The following HCRTR1 variants were observed in gnomAD, a reference collection of about 807,000 sequenced individuals.
HCRTR1 encodes the protein hypocretin receptor 1, also known as orexin/Hypocretin receptor type 1.
HCRTR1 carries 28 observed loss-of-function variants against 40.6 expected under a neutral mutation model. The ratio of observed to expected loss-of-function variants is 0.69; its 90% CI spans 0.51 to 0.95. The LOEUF (loss-of-function observed/expected upper bound fraction) is 0.95, where lower values mean the gene tolerates loss of function less well. Ranked by LOEUF, HCRTR1 falls within the 40% of genes least tolerant of loss-of-function variation. The probability of loss-of-function intolerance (pLI) is 0.00; values close to 1 mark genes in which losing one functional copy is unlikely to be tolerated. For synonymous variants in HCRTR1, 209 were observed against 230.0 expected (o/e 0.91, Z 0.83); for missense variants, 482 against 564.7 (o/e 0.85, Z 1.48).
chr1:31,633,184 A>T (rs1416786604), downstream of HCRTR1: 1 of 1,614,030 alleles, frequency 6.2e-7, no homozygotes, highest in Admixed American at 1.7e-5. Context: ...AGGTCTCATC[A>T]TTGAATGAAG....
downstream of HCRTR1, among the ~76,000 whole-genome samples, chr1:31,632,003 G>A (rs1198350133): frequency 6.6e-6 from 1 of 152,198 alleles, no homozygotes; most frequent in Non-Finnish European, 1.5e-5. Context: ...AACCAGACCT[G>A]GGGCTGTGGC....
chr1:31,620,085 C>A (rs1300082302), intron 4 of HCRTR1, among the ~76,000 whole-genome samples: 1 of 152,234 alleles, frequency 6.6e-6, no homozygotes, highest in Non-Finnish European at 1.5e-5. Context: ...ACGTGAGGGG[C>A]CTGATGGAAA....
rs376314618 is a variant in HCRTR1 at position 31,621,098 on chromosome 1, A to T, written c.622+12A>T. 1.3e-6 allele frequency: 2 copies of T among 1,595,272 alleles called. No individual in the cohort carries two copies. Among genetic ancestry groups the T allele is most frequent in the Non-Finnish European group, 1.7e-6 (2 of 1,174,218 alleles). The stretch of plus-strand genomic sequence containing the variant: ...TGAACGCTGGGCAGGTAATGGTGGA[A>T]GCCTCAAGCAGGCATCCCCTCAGGT... On this transcript the variant is annotated intron_variant, in intron 5 of 8. Coordinates refer to ENST00000403528, the MANE Select transcript of HCRTR1 (RefSeq NM_001525.3).
downstream of HCRTR1, chr1:31,633,255 C>A: frequency 6.2e-7 from 1 of 1,614,112 alleles, no homozygotes; most frequent in African/African-American, 1.3e-5. Flanking sequence ...CCACTGTGAT[C>A]TGAGTCCACC....
At chr1:31,628,484 A>C (rs956736045), downstream of HCRTR1, among the ~76,000 whole-genome samples, 20 of 152,162 alleles carry the variant, frequency 1.3e-4, no homozygotes. Context: ...GTAGGCTTGG[A>C]GGTGAGTGTG....
chr1:31,623,777 GGGA>G (rs758432624), intron 7 of HCRTR1, 28 bp downstream of exon 7: 14 of 1,576,230 alleles, frequency 8.9e-6, no homozygotes, highest in African/African-American at 1.3e-5. Flanking sequence ...GGTTGGGGTG[GGGA>G]GAAGTTTGAG....
Position 31,619,377 on chromosome 1 carries a change from T to C in HCRTR1, c.185T>C (p.Val62Ala), listed in dbSNP as rs749309295. 4 of 1,614,056 alleles carry C rather than the reference T, an allele frequency of 2.5e-6. No individual in the cohort carries two copies. The East Asian group carries it at 8.9e-5, about 36-fold the overall frequency. The change falls in exon 3 of 9, where the codon GTG becomes GCG. Residue 62 changes from valine (V) to alanine (A), a missense_variant. By Grantham distance (64) the Val-to-Ala change is moderately conservative. Coordinates refer to ENST00000403528, the MANE Select transcript of HCRTR1 (RefSeq NM_001525.3). ...GTGGCTGTGTTCGTCGTGGCCCTGG[T>C]GGGCAACACGCTGGGTAGGTCCAGG... ...AYVAVFVVAL[V>A]GNTLVCLAVW... is the part of the protein sequence containing the mutation.
chr1:31,630,764 T>C (rs758834965), downstream of HCRTR1: 6 of 1,614,044 alleles, frequency 3.7e-6, no homozygotes, highest in South Asian at 1.1e-5. Flanking sequence ...CATGGCAGGA[T>C]TGGCAGAGCG....
At chr1:31,623,340 G>A (rs777736003) in intron 6 of HCRTR1, among the ~76,000 whole-genome samples, 183 bp from the exon 7 acceptor site, 3 of 150,854 alleles carry the variant, frequency 2.0e-5, no homozygotes, top group Non-Finnish European at 4.4e-5. Context: ...AAAGTCTATC[G>A]TTCACTCTCA....
Position 31,627,458 on chromosome 1 carries a change from C to T in HCRTR1, c.*478C>T, listed in dbSNP as rs1005343328. ...TAATCTGGGCCCAGCCTTTCTCCAG[C>T]GGGCCACGAGCACAGCCCCACCCTA... On this transcript the variant is annotated 3_prime_UTR_variant, in exon 9 of 9. Transcript: ENST00000403528. The T allele has an allele frequency of 1.6e-5, 15 of 913,968 alleles. No homozygotes were observed. The African/African-American group carries it at 1.7e-4, about 10-fold the overall frequency. The allele number at this position is 913,968 out of a possible 1,614,324, so 56.6% of individuals were successfully genotyped here. A position where few individuals can be genotyped will look rare whatever the true frequency, so the allele number is the denominator to read the frequency against.
At chr1:31,632,670 G>A (rs1640142837), downstream of HCRTR1, 8 of 1,608,810 alleles carry the variant, frequency 5.0e-6, no homozygotes, top group Non-Finnish European at 6.8e-6. Context: ...AGGGGAGGAA[G>A]GCTTCAAGAC....
At chr1:31,619,491 G>T in intron 3 of HCRTR1, 41 bp from the exon 4 acceptor site, 1 of 1,613,116 alleles carries the variant, frequency 6.2e-7, no homozygotes, top group Non-Finnish European at 8.5e-7. Flanking sequence ...ACTAGGATGG[G>T]TGTGGCTCTG....
Sources: gnomAD v4.1 joint callset for allele counts (sites outside exome capture counted in the v4.1 genomes callset) on GRCh38, gnomAD v4.1.1 for gene constraint, MANE v1.5 for transcripts, NCBI Gene and HGNC (gene_info 2026-07-23, HGNC 2026-07-21) for gene names.